IFRD1: variants seen among roughly 807,000 people sequenced by gnomAD.
IFRD1 encodes the protein interferon-related developmental regulator 1.
A neutral mutation model predicts 52.9 loss-of-function variants in IFRD1; 35 were observed. The observed-to-expected ratio is 0.66, with a 90% CI of 0.51 to 0.88. The LOEUF (loss-of-function observed/expected upper bound fraction) is 0.88. Ranked by LOEUF, IFRD1 falls within the 40% of genes least tolerant of loss-of-function variation. The pLI is 0.00. For synonymous variants in IFRD1, 184 were observed against 188.4 expected, an observed-to-expected ratio of 0.98 and a Z score of 0.19; for missense variants, 517 against 550.8, an observed-to-expected ratio of 0.94 and a Z score of 0.61.
chr7:112,447,947 T>G (rs1795065335), upstream of IFRD1, among the ~76,000 whole-genome samples: 1 of 152,164 alleles, frequency 6.6e-6, no homozygotes, highest in African/African-American at 2.4e-5. Context: ...AATGTATGTA[T>G]GTAGTGATAC....
In IFRD1 at chr7:112,472,877, AT is replaced by A; in HGVS notation, c.1266+21del. On this transcript the variant is annotated intron_variant, in intron 11 of 11. Coordinates refer to ENST00000403825, the MANE Select transcript of IFRD1 (RefSeq NM_001550.4). ...TTTCGAAAGGGTAGGTTTTGTTTTT[AT>A]TTTTAATAAAACTAAGTGCGCCAAA... The A allele has an allele frequency of 1.3e-6, 2 of 1,571,416 alleles. No individual in the cohort carries two copies. Among genetic ancestry groups the A allele is most frequent in the Non-Finnish European group, 1.8e-6 (2 of 1,141,220 alleles).
intron 10 of IFRD1, 59 bp from the exon 11 acceptor site, chr7:112,472,707 A>G (rs890071886): frequency 2.0e-6 from 2 of 1,002,710 alleles, no homozygotes; most frequent in Admixed American, 1.7e-5. Flanking sequence ...CACTCTGTCT[A>G]GTGAAAAAGA....
intron 11 of IFRD1, among the ~76,000 whole-genome samples, chr7:112,474,765 C>G (rs1795850514): frequency 6.6e-6 from 1 of 152,076 alleles, no homozygotes; most frequent in South Asian, 2.1e-4. Flanking sequence ...TAAAATGGCA[C>G]TTCATCACTT....
chr7:112,427,897 C>A (rs962220851), intron 1 of IFRD1, among the ~76,000 whole-genome samples: 54 of 152,264 alleles, frequency 3.5e-4, no homozygotes, highest in Admixed American at 3.5e-3. Context: ...GGAAAGGCAG[C>A]TATAAACAGG....
chr7:112,461,897 T>C lies in IFRD1; in HGVS notation c.599T>C (p.Ile200Thr), dbSNP rs1485487805. 1 of 1,606,470 alleles carries C rather than the reference T, an allele frequency of 6.2e-7. No individual in the cohort carries two copies. Among genetic ancestry groups the C allele is most frequent in the Non-Finnish European group, 8.5e-7 (1 of 1,173,992 alleles). Residue 200 changes from isoleucine (I) to threonine (T), a missense_variant, in exon 6 of 12, where the codon ATT becomes ACT. Coordinates refer to ENST00000403825, the MANE Select transcript of IFRD1 (RefSeq NM_001550.4). ...CATCFGVCCF[I>T]ATDDITELYS... ...ACTTGCTTTGGTGTTTGCTGTTTTA[T>C]TGCCACAGATGACATTACTGTAAGT... is the stretch of plus-strand genomic sequence containing the variant.
At chr7:112,457,854 T>TA (rs1795334657) in intron 4 of IFRD1, 1 of 152,216 alleles carries the variant, frequency 6.6e-6, no homozygotes, top group Non-Finnish European at 1.5e-5. Context: ...AATGCACTTT[T>TA]AAAAAATTGA....
chr7:112,428,743 G>A (rs1050690017), intron 1 of IFRD1, among the ~76,000 whole-genome samples: 4 of 152,128 alleles, frequency 2.6e-5, no homozygotes, highest in African/African-American at 4.8e-5. Flanking sequence ...TTGTATACTT[G>A]AATCTGTATT....
At chr7:112,462,874 G>T (rs1213705801) in intron 8 of IFRD1, among the ~76,000 whole-genome samples, 32 of 152,156 alleles carry the variant, frequency 2.1e-4, no homozygotes, top group Non-Finnish European at 1.5e-5. Flanking sequence ...CCATTCACTT[G>T]TCCACTCACA....
At chr7:112,425,632 C>G (rs1794411009) in intron 1 of IFRD1, among the ~76,000 whole-genome samples, 2 of 152,200 alleles carry the variant, frequency 1.3e-5, no homozygotes, top group African/African-American at 4.8e-5. Flanking sequence ...CTGAGCCACA[C>G]TACCAGCTCT....
intron 1 of IFRD1, among the ~76,000 whole-genome samples, chr7:112,433,977 G>A (rs761586598): frequency 1.2e-4 from 18 of 147,180 alleles, no homozygotes; most frequent in African/African-American, 3.6e-4. Context: ...GAGCCACCAC[G>A]CCCAGCTAAT....
upstream of IFRD1, among the ~76,000 whole-genome samples, chr7:112,446,693 G>A (rs1795037634): frequency 6.6e-6 from 1 of 152,128 alleles, no homozygotes; most frequent in African/African-American, 2.4e-5. Flanking sequence ...GGGAAGCTCG[G>A]GTTGATCATA....
Position 112,450,503 on chromosome 7 carries a change from C to T in IFRD1, c.-186C>T, listed in dbSNP as rs1017209336. The T allele has an allele frequency of 2.2e-5, 14 of 633,222 alleles. No individual in the cohort carries two copies. Among genetic ancestry groups the T allele is most frequent in the African/African-American group, 2.0e-4 (11 of 54,786 alleles). The allele number at this position is 633,222 out of a possible 1,614,324, so 39.2% of individuals were successfully genotyped here. A position where few individuals can be genotyped will look rare whatever the true frequency, so the allele number is the denominator to read the frequency against. On this transcript the variant is annotated 5_prime_UTR_variant, in exon 1 of 12. Transcript: ENST00000403825. ...GAGAGAAACATGTATCGTTTTCGATCACAGCTCTTCACGGGGATTTCTGCT... is the reference window on the plus strand; with the variant it reads ...GAGAGAAACATGTATCGTTTTCGATTACAGCTCTTCACGGGGATTTCTGCT...
chr7:112,473,064 GTGTA>G (rs779688152), intron 11 of IFRD1, among the ~76,000 whole-genome samples: 992 of 27,182 alleles, frequency 0.036, 10 homozygotes, highest in Middle Eastern at 0.18. Flanking sequence ...GTGTGTGTGT[GTGTA>G]TATATGTGTC....
upstream of IFRD1, among the ~76,000 whole-genome samples, chr7:112,448,915 G>A (rs1795087430): frequency 6.6e-6 from 1 of 152,220 alleles, no homozygotes; most frequent in African/African-American, 2.4e-5. Flanking sequence ...GGTAGGAGAA[G>A]AGAGCCGTGT....
intron 9 of IFRD1, among the ~76,000 whole-genome samples, chr7:112,469,535 A>G (rs978357041): frequency 6.6e-6 from 1 of 152,032 alleles, no homozygotes; most frequent in Admixed American, 6.5e-5. Flanking sequence ...TTAAGTAACT[A>G]TAAACTATTC....
chr7:112,460,848 G>C (rs1286691072), intron 5 of IFRD1, among the ~76,000 whole-genome samples: 1 of 152,166 alleles, frequency 6.6e-6, no homozygotes, highest in Admixed American at 6.5e-5. Context: ...AGAACAACAT[G>C]AGGGAATTTT....
chr7:112,461,998 T>C lies in IFRD1; in HGVS notation c.619-3T>C, dbSNP rs1417268951. The stretch of plus-strand genomic sequence containing the variant: ...TATCTTACTTCATATTCTTATGCAT[T>C]AGGAACTATACTCAACTCTGGAATG... On this transcript the variant is annotated splice_region_variant and splice_polypyrimidine_tract_variant and intron_variant, in intron 6 of 11. Transcript: ENST00000403825. 6 of 1,609,310 alleles carry C rather than the reference T, an allele frequency of 3.7e-6. No homozygotes were observed. Among genetic ancestry groups the C allele is most frequent in the Non-Finnish European group, 5.1e-6 (6 of 1,175,848 alleles).
intron 1 of IFRD1, chr7:112,452,508 G>C (rs1458033742): frequency 2.1e-6 from 2 of 931,860 alleles, no homozygotes; most frequent in African/African-American, 3.6e-5. Context: ...ATTCTTTCTA[G>C]AAGGTATTTA....
chr7:112,451,189 A>C, intron 1 of IFRD1: 1 of 181,224 alleles, frequency 5.5e-6, no homozygotes, highest in Non-Finnish European at 1.2e-5. Context: ...CGCCTTTGAC[A>C]CCCTGGCTCC....
Sources: gnomAD v4.1 joint callset for allele counts (sites outside exome capture counted in the v4.1 genomes callset) on GRCh38, gnomAD v4.1.1 for gene constraint, MANE v1.5 for transcripts, NCBI Gene and HGNC (gene_info 2026-07-23, HGNC 2026-07-21) for gene names.